Variants in HS6ST3 observed in about 807,000 individuals in gnomAD.
HS6ST3 encodes heparan sulfate 6-O-sulfotransferase 3.
In HS6ST3, 12 loss-of-function variants were observed where a neutral mutation model predicts 36.7. That is an observed-to-expected ratio of 0.33 (90% CI 0.21 to 0.53). The LOEUF is 0.53. Ranked by LOEUF, HS6ST3 falls within the 20% of genes least tolerant of loss-of-function variation. The pLI is 0.95. For synonymous variants in HS6ST3, 240 were observed against 257.5 expected (o/e 0.93, Z 0.65); for missense variants, 584 against 640.9 (o/e 0.91, Z 0.96).
intron 1 of HS6ST3, among the ~76,000 whole-genome samples, chr13:96,832,215 CGAAT>C (rs1878814586): frequency 6.6e-6 from 1 of 152,058 alleles, no homozygotes; most frequent in African/African-American, 2.4e-5. Context: ...AATTGCTGAA[CGAAT>C]GAATGAATGA....
At chr13:96,605,440 G>A (rs1350704085) in intron 1 of HS6ST3, among the ~76,000 whole-genome samples, 1 of 151,988 alleles carries the variant, frequency 6.6e-6, no homozygotes, top group Non-Finnish European at 1.5e-5. Flanking sequence ...AGTAGATAAA[G>A]CCATAACTAT....
chr13:96,092,920 T>C (rs937020440), intron 1 of HS6ST3, among the ~76,000 whole-genome samples: 3 of 152,380 alleles, frequency 2.0e-5, no homozygotes, highest in African/African-American at 7.2e-5. Flanking sequence ...TCTCTTAGTA[T>C]ATTTTACGGA....
At chr13:96,348,477 A>C (rs532900974) in intron 1 of HS6ST3, among the ~76,000 whole-genome samples, 1 of 152,362 alleles carries the variant, frequency 6.6e-6, no homozygotes, top group African/African-American at 2.4e-5. Flanking sequence ...GATGAAACTT[A>C]GCTTTGCGAC....
chr13:96,748,321 G>A (rs1051868248), intron 1 of HS6ST3, among the ~76,000 whole-genome samples: 3 of 152,044 alleles, frequency 2.0e-5, no homozygotes, highest in South Asian at 2.1e-4. Flanking sequence ...CAAGGCTTAG[G>A]TCAGGCTTGT....
intron 1 of HS6ST3, among the ~76,000 whole-genome samples, chr13:96,384,270 T>C (rs2139447916): frequency 6.6e-6 from 1 of 152,288 alleles, no homozygotes; most frequent in South Asian, 2.1e-4. Context: ...ATTTTATTTT[T>C]GTTCTTTTTA....
chr13:96,228,561 C>T (rs115731840), intron 1 of HS6ST3, among the ~76,000 whole-genome samples: 276 of 152,236 alleles, frequency 1.8e-3, no homozygotes, highest in African/African-American at 6.1e-3. Flanking sequence ...CCACCGTGCC[C>T]GGCCTGTCAT....
At chr13:96,166,642 CCT>C in intron 1 of HS6ST3, among the ~76,000 whole-genome samples, 1 of 145,484 alleles carries the variant, frequency 6.9e-6, no homozygotes, top group African/African-American at 2.6e-5. Context: ...AAACTCCTAA[CCT>C]CAAGTGATCA....
intron 1 of HS6ST3, among the ~76,000 whole-genome samples, chr13:96,348,239 A>T (rs915648507): frequency 6.6e-6 from 1 of 152,340 alleles, no homozygotes. Context: ...TAATACAACT[A>T]TAGATTCTGC....
At chr13:96,563,007 T>A (rs2056267949) in intron 1 of HS6ST3, among the ~76,000 whole-genome samples, 2 of 136,206 alleles carry the variant, frequency 1.5e-5, no homozygotes, top group African/African-American at 5.7e-5. Context: ...AAAGTAGGCC[T>A]AGACTGAGCA....
chr13:96,665,192 A>G (rs1301731125), intron 1 of HS6ST3, among the ~76,000 whole-genome samples: 2 of 152,108 alleles, frequency 1.3e-5, no homozygotes, highest in Non-Finnish European at 1.5e-5. Context: ...ATAAATAAAT[A>G]AACAAGGCCA....
At chr13:96,671,420 C>T (rs780760190) in intron 1 of HS6ST3, among the ~76,000 whole-genome samples, 2 of 152,240 alleles carry the variant, frequency 1.3e-5, no homozygotes, top group South Asian at 2.1e-4. Context: ...ATCCTGGATC[C>T]ATGTCCAGGA....
chr13:96,660,514 A>T (rs996599278), intron 1 of HS6ST3, among the ~76,000 whole-genome samples: 1 of 152,172 alleles, frequency 6.6e-6, no homozygotes, highest in African/African-American at 2.4e-5. Flanking sequence ...TATACCATAC[A>T]TAAAAATCAA....
chr13:96,719,434 T>C (rs1373782665), intron 1 of HS6ST3, among the ~76,000 whole-genome samples: 3 of 152,260 alleles, frequency 2.0e-5, no homozygotes, highest in Middle Eastern at 3.4e-3. Context: ...ACTTTTAAAA[T>C]TATTAAGGTT....
chr13:96,804,085 C>G (rs576528539), intron 1 of HS6ST3, among the ~76,000 whole-genome samples: 2 of 151,830 alleles, frequency 1.3e-5, no homozygotes, highest in African/African-American at 2.4e-5. Context: ...AACTTGTACA[C>G]CAAGGCAGTG....
chr13:96,117,306 A>G (rs2053898353), intron 1 of HS6ST3, among the ~76,000 whole-genome samples: 1 of 152,224 alleles, frequency 6.6e-6, no homozygotes, highest in Non-Finnish European at 1.5e-5. Context: ...GATGCCCCCT[A>G]TGGTCTAAAC....
intron 1 of HS6ST3, among the ~76,000 whole-genome samples, chr13:96,691,842 C>G (rs1874968653): frequency 1.3e-5 from 2 of 152,072 alleles, no homozygotes; most frequent in African/African-American, 4.8e-5. Context: ...ACTCTAACAC[C>G]AGTTGATTAC....
At chr13:96,341,300 G>A (rs1347824329) in intron 1 of HS6ST3, among the ~76,000 whole-genome samples, 3 of 152,070 alleles carry the variant, frequency 2.0e-5, no homozygotes, top group African/African-American at 7.2e-5. Flanking sequence ...ATTGGGAGGG[G>A]CTCGTATTTC....
At chr13:96,100,421 C>A (rs1422156670) in intron 1 of HS6ST3, among the ~76,000 whole-genome samples, 2 of 151,996 alleles carry the variant, frequency 1.3e-5, no homozygotes, top group Non-Finnish European at 2.9e-5. Flanking sequence ...GATAGGGAAA[C>A]CAATATTGGA....
At chr13:96,213,504 G>A (rs541063940) in intron 1 of HS6ST3, among the ~76,000 whole-genome samples, 1 of 151,860 alleles carries the variant, frequency 6.6e-6, no homozygotes, top group African/African-American at 2.4e-5. Flanking sequence ...TTGGCCTATG[G>A]CCGACTGCCT....
Sources: allele counts gnomAD v4.1 joint callset (sites outside exome capture counted in the v4.1 genomes callset), GRCh38; gene constraint gnomAD v4.1.1; transcripts MANE v1.5; gene names NCBI Gene and HGNC (gene_info 2026-07-23, HGNC 2026-07-21).